Variants in PCSK4 observed in about 807,000 individuals in gnomAD.
PCSK4 encodes the protein testicular tissue protein Li 135.
A neutral mutation model predicts 80.3 loss-of-function variants in PCSK4; 64 were observed. The observed-to-expected ratio is 0.80, with a 90% CI of 0.65 to 0.98. The LOEUF (loss-of-function observed/expected upper bound fraction) is 0.98, where lower values mean the gene tolerates loss of function less well. PCSK4 is among the 50% of genes least tolerant of loss of function. PCSK4 has a pLI of 0.00. For missense variants in PCSK4, 1,213 were observed against 1,093.6 expected (o/e 1.11, Z -1.54); for synonymous variants, 561 against 487.6 (o/e 1.15, Z -1.98).
rs967250473 is a variant in PCSK4, at chr19:1,483,784, C to T, written c.1274-17G>A. 4.5e-6 allele frequency: 7 copies of T among 1,558,506 alleles called. No individual in the cohort carries two copies. The Admixed American group carries it at 1.1e-4, about 24-fold the overall frequency. On this transcript the variant is annotated splice_polypyrimidine_tract_variant and intron_variant, in intron 10 of 14. Coordinates refer to ENST00000300954, the Ensembl canonical transcript of PCSK4. ...GATGGCTCACTGCGCGGAAGGGCAG[C>T]AGTCACTCGCCCCGTGGGCCCCGGG...
chr19:1,489,954 C>T (rs2084854559), intron 1 of PCSK4, 57 bp from the exon 2 acceptor site: 1 of 1,553,134 alleles, frequency 6.4e-7, no homozygotes, highest in East Asian at 2.4e-5. Context: ...GCTGAAGCCC[C>T]CGAGGGCCGG....
rs554107508 is a variant in PCSK4, at chr19:1,482,176, C to T, written c.1851G>A (p.Gln617=). The T allele has an allele frequency of 2.0e-5, 31 of 1,555,472 alleles. 1 individual carries two copies. The Admixed American group carries it at 3.7e-4, about 18-fold the overall frequency. Residue 617 remains glutamine (Q), a synonymous_variant, in exon 15 of 15, where the codon CAG becomes CAA. Coordinates refer to ENST00000300954, the Ensembl canonical transcript of PCSK4. The stretch of plus-strand genomic sequence containing the variant: ...GCGGGGGGCAGTAGGCCAGGCAGAG[C>T]TGTCCCAGGATGTAGGCGGGGCCGT...
At chr19:1,489,351 G>A (rs1178315366) in intron 2 of PCSK4, among the ~76,000 whole-genome samples, 1 of 152,026 alleles carries the variant, frequency 6.6e-6, no homozygotes, top group Non-Finnish European at 1.5e-5. Context: ...CTAGGATCTC[G>A]TCTCGATTTC....
At chr19:1,489,022 A>T (rs117170328) in intron 2 of PCSK4, among the ~76,000 whole-genome samples, 3,172 of 152,036 alleles carry the variant, frequency 0.021, 48 homozygotes, top group Non-Finnish European at 0.035. Context: ...CCTCAGCTTG[A>T]CATCCCAGGC....
chr19:1,483,328 C>A, exon 12 of PCSK4: 15 of 1,609,156 alleles, frequency 9.3e-6, no homozygotes, highest in Non-Finnish European at 1.3e-5. Flanking sequence ...GGCTGGTGAG[C>A]GAGATCTCCA....
chr19:1,489,677 A>G, intron 2 of PCSK4, 116 bp downstream of exon 2: 1 of 1,483,230 alleles, frequency 6.7e-7, no homozygotes, highest in Non-Finnish European at 9.0e-7. Flanking sequence ...GGCGGGTCTG[A>G]GCCACAGAAA....
chr19:1,483,674 G>A (rs11878809), exon 11 of PCSK4: 74,819 of 1,595,376 alleles, frequency 0.047, 1,943 homozygotes, highest in Middle Eastern at 0.065. Flanking sequence ...GACCCGGACG[G>A]CGCACTTCCT....
chr19:1,482,586 G>T, intron 13 of PCSK4, 111 bp from the exon 14 acceptor site: 1 of 1,336,698 alleles, frequency 7.5e-7, no homozygotes, highest in Non-Finnish European at 1.0e-6. Context: ...CCCTGGACTG[G>T]TTCACATCTC....
intron 8 of PCSK4, among the ~76,000 whole-genome samples, chr19:1,486,359 C>A (rs1243654168): frequency 6.6e-6 from 1 of 151,232 alleles, no homozygotes; most frequent in Non-Finnish European, 1.5e-5. Context: ...TGCAGTGGCC[C>A]GATCTCGGCT....
rs974336571 is a variant in PCSK4 at position 1,490,405 on chromosome 19, T to C, written c.-59A>G. 4 of 678,188 alleles carry C rather than the reference T, an allele frequency of 5.9e-6. No individual in the cohort carries two copies. In the African/African-American group the frequency reaches 7.8e-5, roughly 13 times the overall value. 42.0% of individuals were successfully genotyped at this position (678,188 alleles called of 1,614,324 possible). On this transcript the variant is annotated 5_prime_UTR_variant, in exon 1 of 15. Transcript: ENST00000300954. Reference sequence around the variant, plus strand: ...CCCTCCCTCCCGCCAAACCGCCGAGTGGGCCCAGGCGTCCGACCCGCCCCC... The same window carrying C: ...CCCTCCCTCCCGCCAAACCGCCGAGCGGGCCCAGGCGTCCGACCCGCCCCC...
rs776768934 is a variant in PCSK4, at chr19:1,490,353, G to T, written c.-7C>A. On this transcript the variant is annotated 5_prime_UTR_variant, in exon 1 of 15. Transcript: ENST00000300954. Reference sequence around the variant, plus strand: ...CAATCGGGGCGGGCCGCATGGAGGCGGGGCGGGAGCGGGGCCTGCGCAAAT... The same window carrying T: ...CAATCGGGGCGGGCCGCATGGAGGCTGGGCGGGAGCGGGGCCTGCGCAAAT... 4 of 1,134,334 alleles carry T rather than the reference G, an allele frequency of 3.5e-6. No individual in the cohort carries two copies. In the South Asian group the frequency reaches 4.6e-5, roughly 13 times the overall value. 70.3% of individuals were successfully genotyped at this position (1,134,334 alleles called of 1,614,324 possible). A position where few individuals can be genotyped will look rare whatever the true frequency, so the allele number is the denominator to read the frequency against.
exon 12 of PCSK4, chr19:1,483,289 G>A: frequency 6.3e-7 from 1 of 1,594,752 alleles, no homozygotes; most frequent in Non-Finnish European, 8.5e-7. Flanking sequence ...CTCACCGTAT[G>A]GCCACGAGTG....
intron 2 of PCSK4, 167 bp downstream of exon 2, chr19:1,489,625 TG>T: frequency 8.0e-7 from 1 of 1,246,984 alleles, no homozygotes. Flanking sequence ...TTTCCGTATC[TG>T]GGTCTTCCTG....
At chr19:1,487,845 T>C in exon 5 of PCSK4, 1 of 1,553,818 alleles carries the variant, frequency 6.4e-7, no homozygotes, top group South Asian at 1.2e-5. Flanking sequence ...ATTGAAGTCA[T>C]AGCTGGCCAG....
chr19:1,486,193 TCCTG>T (rs2084598353), intron 8 of PCSK4, among the ~76,000 whole-genome samples: 2 of 151,684 alleles, frequency 1.3e-5, no homozygotes, highest in Non-Finnish European at 2.9e-5. Context: ...GCTAGGCTGG[TCCTG>T]AACTCTTGAC....
At chr19:1,483,305 C>A in exon 12 of PCSK4, 1 of 1,604,264 alleles carries the variant, frequency 6.2e-7, no homozygotes. Flanking sequence ...GAGTGTGGAG[C>A]GCGTGCCCAT....
intron 6 of PCSK4, 100 bp from the exon 7 acceptor site, chr19:1,487,413 G>T: frequency 9.1e-7 from 1 of 1,102,920 alleles, no homozygotes; most frequent in Non-Finnish European, 1.3e-6. Flanking sequence ...GCCCTACCTG[G>T]GCCCTCTCTC....
At chr19:1,489,707 AACC>A in intron 2 of PCSK4, 83 bp downstream of exon 2, 1 of 1,529,912 alleles carries the variant, frequency 6.5e-7, no homozygotes, top group Non-Finnish European at 8.8e-7. Context: ...TGTTCATAAC[AACC>A]ACGAGAACCA....
At position 1,490,311 on chromosome 19, in the gene PCSK4, C is replaced by CCT; in HGVS notation, c.35_36insAG (p.Val13GlyfsTer72). ...GGCGGACAAGGGCCAGGGCCAAGAC[C>CCT]AGGCGCAGCCACAGCGCAATCGGGG... On this transcript the variant is annotated frameshift_variant, in exon 1 of 15. Transcript: ENST00000300954. LOFTEE classifies it high-confidence loss of function. 8.0e-6 allele frequency: 12 copies of CCT among 1,491,658 alleles called. No homozygotes were observed. The highest frequency in any genetic ancestry group is 1.1e-5 in the Non-Finnish European group (12 of 1,102,188). The allele number at this position is 1,491,658 out of a possible 1,614,324, so 92.4% of individuals were successfully genotyped here. A position where few individuals can be genotyped will look rare whatever the true frequency, so the allele number is the denominator to read the frequency against.
Sources: allele counts gnomAD v4.1 joint callset (sites outside exome capture counted in the v4.1 genomes callset), GRCh38; gene constraint gnomAD v4.1.1; transcripts MANE v1.5; gene names NCBI Gene and HGNC (gene_info 2026-07-23, HGNC 2026-07-21).